Variants in SH3BGRL2 observed in about 807,000 individuals in gnomAD.
The protein encoded by SH3BGRL2 is SH3 domain-binding glutamic acid-rich-like protein 2.
SH3BGRL2 carries 21 observed loss-of-function variants against 14.8 expected under a neutral mutation model. That is an observed-to-expected ratio of 1.42 (90% CI 1.01 to 2.05). The LOEUF is 2.05. SH3BGRL2 is among the 30% of genes most tolerant of loss of function. SH3BGRL2 has a pLI of 0.00. For synonymous variants in SH3BGRL2, 50 were observed against 47.8 expected, an observed-to-expected ratio of 1.05 and a Z score of -0.19; for missense variants, 147 against 130.8, an observed-to-expected ratio of 1.12 and a Z score of -0.61.
the SH3BGRL2 span, among the ~76,000 whole-genome samples, chr6:79,613,716 C>G: frequency 6.6e-6 from 1 of 152,090 alleles, no homozygotes; most frequent in Non-Finnish European, 1.5e-5. Context: ...AGCAATTCTC[C>G]CTGCCTCAGC....
the SH3BGRL2 span, among the ~76,000 whole-genome samples, chr6:79,577,114 T>C: frequency 6.6e-6 from 1 of 152,320 alleles, no homozygotes; most frequent in East Asian, 1.9e-4. Flanking sequence ...TCGGGCATCA[T>C]TTGTTGAAAA....
At chr6:79,693,539 C>G (rs1770271052) in intron 2 of SH3BGRL2, among the ~76,000 whole-genome samples, 1 of 151,432 alleles carries the variant, frequency 6.6e-6, no homozygotes, top group East Asian at 1.9e-4. Context: ...CCCATCAATA[C>G]CTAATTTATT....
chr6:79,600,131 A>T, the SH3BGRL2 span, among the ~76,000 whole-genome samples: 2 of 152,252 alleles, frequency 1.3e-5, no homozygotes, highest in Non-Finnish European at 2.9e-5. Context: ...AGCTCTCCTC[A>T]GCACAAGCAT....
chr6:79,589,520 A>G, the SH3BGRL2 span, among the ~76,000 whole-genome samples: 1 of 152,120 alleles, frequency 6.6e-6, no homozygotes, highest in Non-Finnish European at 1.5e-5. Context: ...AAACTTATTA[A>G]TGTTCCAAAA....
At chr6:79,585,822 G>T in the SH3BGRL2 span, among the ~76,000 whole-genome samples, 1 of 150,260 alleles carries the variant, frequency 6.7e-6, no homozygotes, top group Non-Finnish European at 1.5e-5. Flanking sequence ...AAGCTTGTCC[G>T]ACCTGTAGCC....
intron 2 of SH3BGRL2, among the ~76,000 whole-genome samples, chr6:79,682,329 T>G (rs1770003879): frequency 6.6e-6 from 1 of 152,094 alleles, no homozygotes; most frequent in South Asian, 2.1e-4. Context: ...TGAGATGGAG[T>G]CTCTCTCTGT....
chr6:79,630,990 T>C (rs1433469554), upstream of SH3BGRL2, among the ~76,000 whole-genome samples: 2 of 152,202 alleles, frequency 1.3e-5, no homozygotes, highest in African/African-American at 4.8e-5. Context: ...TTTCTGGGTG[T>C]GGATGCTCCA....
At chr6:79,590,732 A>G in the SH3BGRL2 span, among the ~76,000 whole-genome samples, 2 of 151,918 alleles carry the variant, frequency 1.3e-5, no homozygotes, top group Admixed American at 1.3e-4. Flanking sequence ...TACTATGCTC[A>G]ATACCTGGGT....
At chr6:79,639,734 G>GGA in intron 1 of SH3BGRL2, among the ~76,000 whole-genome samples, 2 of 152,266 alleles carry the variant, frequency 1.3e-5, no homozygotes, top group Middle Eastern at 6.8e-3. Context: ...TCTAAACTCA[G>GGA]GAGACCCTTT....
chr6:79,701,399 A>G lies in SH3BGRL2; in HGVS notation c.*1890A>G, dbSNP rs1214070114. On this transcript the variant is annotated 3_prime_UTR_variant, in exon 4 of 4. Transcript: ENST00000369838. ...CTACTCTTGCTAGTGAGTGCCAAGA[A>G]CCAACTTGGTAAGGTTGAGGCTTTG... is the stretch of plus-strand genomic sequence containing the variant. The G allele has an allele frequency of 4.6e-5, 7 of 152,148 alleles. 1 individual carries two copies. Among genetic ancestry groups the G allele is most frequent in the Admixed American group, 4.6e-4 (7 of 15,278 alleles). The allele number at this position is 152,148 out of a possible 1,614,324, so 9.4% of individuals were successfully genotyped here. A position where few individuals can be genotyped will look rare whatever the true frequency, so the allele number is the denominator to read the frequency against.
intron 2 of SH3BGRL2, among the ~76,000 whole-genome samples, chr6:79,679,375 T>C (rs1285965231): frequency 2.5e-5 from 3 of 122,342 alleles, no homozygotes; most frequent in Non-Finnish European, 5.6e-5. Context: ...ATGATGAACA[T>C]TTTTTTTTCA....
chr6:79,642,633 C>T (rs1203043185), intron 1 of SH3BGRL2, among the ~76,000 whole-genome samples: 1 of 152,110 alleles, frequency 6.6e-6, no homozygotes, highest in Non-Finnish European at 1.5e-5. Context: ...ATTTGCCATC[C>T]CTGCCTTAAA....
chr6:79,635,014 A>T (rs1307775512), intron 1 of SH3BGRL2, among the ~76,000 whole-genome samples: 1 of 152,266 alleles, frequency 6.6e-6, no homozygotes, highest in East Asian at 1.9e-4. Flanking sequence ...AAAGAAGCCC[A>T]TGGTGACAAA....
At chr6:79,648,714 T>C (rs1343632139) in intron 1 of SH3BGRL2, among the ~76,000 whole-genome samples, 1 of 152,098 alleles carries the variant, frequency 6.6e-6, no homozygotes, top group Non-Finnish European at 1.5e-5. Context: ...TTTTATTGAA[T>C]GAATGCAAAA....
chr6:79,680,805 C>T (rs1769974663), intron 2 of SH3BGRL2, among the ~76,000 whole-genome samples: 1 of 151,978 alleles, frequency 6.6e-6, no homozygotes, highest in Non-Finnish European at 1.5e-5. Context: ...TTTATTCCTA[C>T]TTTATTATTT....
the SH3BGRL2 span, among the ~76,000 whole-genome samples, chr6:79,570,815 G>C: frequency 6.6e-6 from 1 of 152,102 alleles, no homozygotes; most frequent in Non-Finnish European, 1.5e-5. Context: ...TCATATATTA[G>C]ATTCAGGGAA....
At position 79,673,756 on chromosome 6, in the gene SH3BGRL2, A is replaced by C; in HGVS notation, c.188A>C (p.Asn63Thr). The C allele has an allele frequency of 6.2e-7, 1 of 1,613,970 alleles. No homozygotes were observed. Among genetic ancestry groups the C allele is most frequent in the Non-Finnish European group, 8.5e-7 (1 of 1,179,974 alleles). Residue 63 changes from asparagine to threonine, a missense_variant, in exon 2 of 4, where the codon AAC (asparagine) becomes ACC (threonine). Physicochemically the swap from Asn to Thr is moderately conservative, Grantham distance 65. Transcript: ENST00000369838. ...VPPEKKPTQG[N>T]PLPPQIFNGD... ...CCGGAAAAGAAACCCACTCAGGGCA[A>C]CCCCCTGCCACCTCAGATATTTAAT...
chr6:79,632,131 G>A (rs1044591264), intron 1 of SH3BGRL2, among the ~76,000 whole-genome samples: 1 of 152,062 alleles, frequency 6.6e-6, no homozygotes, highest in Non-Finnish European at 1.5e-5. Context: ...AAATGTGTGT[G>A]TATGCACGCA....
the SH3BGRL2 span, among the ~76,000 whole-genome samples, chr6:79,538,604 T>A: frequency 6.6e-6 from 1 of 152,214 alleles, no homozygotes; most frequent in African/African-American, 2.4e-5. Flanking sequence ...TTAAAATAGC[T>A]CACTCGTTAT....
Sources: gnomAD v4.1 joint callset for allele counts (sites outside exome capture counted in the v4.1 genomes callset) on GRCh38, gnomAD v4.1.1 for gene constraint, MANE v1.5 for transcripts, NCBI Gene and HGNC (gene_info 2026-07-23, HGNC 2026-07-21) for gene names.